VWA8: variants seen among roughly 807,000 people sequenced by gnomAD.
VWA8 encodes von Willebrand factor A domain-containing protein 8.
VWA8 carries 221 observed loss-of-function variants against 241.5 expected under a neutral mutation model. That is an observed-to-expected ratio of 0.91 (90% CI 0.82 to 1.02). VWA8 has a LOEUF of 1.02. VWA8 is among the 50% of genes least tolerant of loss of function. The pLI is 0.00. For synonymous variants in VWA8, 852 were observed against 827.1 expected (o/e 1.03, Z -0.52); for missense variants, 2,322 against 2,328.7 (o/e 1.00, Z 0.06).
chr13:41,801,028 G>C (rs188112836), intron 17 of VWA8, among the ~76,000 whole-genome samples: 1,733 of 152,068 alleles, frequency 0.011, 17 homozygotes, highest in Middle Eastern at 0.051. Context: ...AATTGTAACT[G>C]AATTGGTAAT....
At chr13:41,591,211 A>G (rs2044452551) in intron 40 of VWA8, among the ~76,000 whole-genome samples, 1 of 152,242 alleles carries the variant, frequency 6.6e-6, no homozygotes, top group African/African-American at 2.4e-5. Context: ...TGGGACTTAG[A>G]GTGCAAATGG....
At chr13:41,926,827 CT>C in intron 2 of VWA8, 1 of 564,028 alleles carries the variant, frequency 1.8e-6, no homozygotes. Context: ...CTCTTTGAAA[CT>C]GATGAAACTT....
intron 26 of VWA8, among the ~76,000 whole-genome samples, chr13:41,707,477 C>T (rs573860090): frequency 6.6e-6 from 1 of 152,296 alleles, no homozygotes; most frequent in East Asian, 1.9e-4. Context: ...AATAATGGAA[C>T]CCTTCAGGGC....
intron 17 of VWA8, among the ~76,000 whole-genome samples, chr13:41,806,423 G>C (rs778404677): frequency 1.3e-5 from 2 of 152,170 alleles, no homozygotes; most frequent in African/African-American, 2.4e-5. Context: ...CAAAGGATAG[G>C]CTGGGCGCAG....
intron 26 of VWA8, chr13:41,719,306 G>T (rs769801359): frequency 2.6e-6 from 3 of 1,175,712 alleles, no homozygotes; most frequent in East Asian, 4.8e-5. Context: ...ATAGTAATAC[G>T]CATAGTAATT....
chr13:41,748,492 C>T (rs2045627806), intron 21 of VWA8, among the ~76,000 whole-genome samples: 2 of 151,952 alleles, frequency 1.3e-5, no homozygotes, highest in Non-Finnish European at 2.9e-5. Flanking sequence ...TCTCTCTTTT[C>T]TTCTTTATTA....
At chr13:41,623,729 C>G (rs753237192) in intron 37 of VWA8, among the ~76,000 whole-genome samples, 10 of 152,106 alleles carry the variant, frequency 6.6e-5, no homozygotes, top group Non-Finnish European at 1.2e-4. Context: ...ACGTGGGATA[C>G]AGAGATTTCT....
chr13:41,925,838 T>C, intron 2 of VWA8: 1 of 304,772 alleles, frequency 3.3e-6, no homozygotes, highest in Non-Finnish European at 6.6e-6. Flanking sequence ...AGATCCATAG[T>C]CAGGCAGTTT....
At chr13:41,869,943 T>C (rs1873512013) in intron 9 of VWA8, among the ~76,000 whole-genome samples, 1 of 152,156 alleles carries the variant, frequency 6.6e-6, no homozygotes, top group African/African-American at 2.4e-5. Flanking sequence ...TGAAACTCAA[T>C]GAAAGAACAG....
intron 14 of VWA8, among the ~76,000 whole-genome samples, chr13:41,829,194 C>T (rs536593749): frequency 6.0e-4 from 91 of 152,210 alleles, no homozygotes; most frequent in African/African-American, 2.2e-3. Context: ...CAATGAGATA[C>T]CACCTTACTC....
chr13:41,775,236 A>G (rs1178077199), intron 20 of VWA8, among the ~76,000 whole-genome samples: 1 of 152,198 alleles, frequency 6.6e-6, no homozygotes, highest in Non-Finnish European at 1.5e-5. Context: ...CCAAAAAAAC[A>G]TTCCTTCAAC....
chr13:41,756,547 G>GA (rs950781855), intron 21 of VWA8, among the ~76,000 whole-genome samples: 1 of 151,446 alleles, frequency 6.6e-6, no homozygotes, highest in African/African-American at 2.4e-5. Context: ...CATCCTTAAG[G>GA]AAAAAATTGG....
intron 12 of VWA8, among the ~76,000 whole-genome samples, chr13:41,843,536 C>T (rs1593811134): frequency 6.6e-6 from 1 of 152,112 alleles, no homozygotes; most frequent in African/African-American, 2.4e-5. Flanking sequence ...AAAATCCATA[C>T]AAAGGATCAA....
chr13:41,852,567 T>C (rs1872569413), intron 12 of VWA8, among the ~76,000 whole-genome samples: 1 of 152,184 alleles, frequency 6.6e-6, no homozygotes, highest in African/African-American at 2.4e-5. Flanking sequence ...CCCCTTCTTT[T>C]CTTCTAGTAG....
In VWA8 at chr13:41,945,569, A is replaced by T. The variant is rs185902671; in HGVS notation, c.241+4367T>A. Among the ~76,000 whole-genome samples, 6 of 152,294 alleles carry T rather than the reference A, an allele frequency of 3.9e-5. No homozygotes were observed. The East Asian group carries it at 1.2e-3, about 29-fold the overall frequency. The stretch of plus-strand genomic sequence containing the variant: ...ACAACGTCTCATGAAACAGAGTACC[A>T]ATAAAGAGAAATTATAAAACAAGAT... On this transcript the variant is annotated intron_variant, in intron 2 of 44. Transcript: ENST00000379310.
rs34381157 is a variant in VWA8 at position 41,655,489 on chromosome 13, CAGAGAGAGAGAG to C, written c.4611+15445_4611+15456del. ...ATATATATCCACACATACAGAGAGA[CAGAGAGAGAGAG>C]AGAGAGAGAGAGAGAGAAAGTAAAA... is the stretch of plus-strand genomic sequence containing the variant. On this transcript the variant is annotated intron_variant, in intron 37 of 44. Coordinates refer to ENST00000379310, the MANE Select transcript of VWA8 (RefSeq NM_015058.2). 6.7e-5 allele frequency among the ~76,000 whole-genome samples: 10 copies of C among 148,306 alleles called. No homozygotes were observed. In the South Asian group the frequency reaches 8.5e-4, roughly 13 times the overall value.
intron 9 of VWA8, among the ~76,000 whole-genome samples, chr13:41,873,730 T>C (rs1873757707): frequency 6.6e-6 from 1 of 152,132 alleles, no homozygotes; most frequent in Non-Finnish European, 1.5e-5. Context: ...ACCAGATGGA[T>C]TCACAGCCAA....
chr13:41,816,555 T>C (rs1870702364), intron 16 of VWA8, 143 bp downstream of exon 16: 2 of 668,244 alleles, frequency 3.0e-6, no homozygotes, highest in Non-Finnish European at 5.0e-6. Flanking sequence ...GTAAACCATA[T>C]GCATAGAACA....
At chr13:41,587,276 C>T (rs1211396117) in intron 42 of VWA8, among the ~76,000 whole-genome samples, 1 of 152,164 alleles carries the variant, frequency 6.6e-6, no homozygotes, top group Non-Finnish European at 1.5e-5. Context: ...TTCTAAGCAG[C>T]TCATTTTTTT....
Sources: gnomAD v4.1 joint callset for allele counts (sites outside exome capture counted in the v4.1 genomes callset) on GRCh38, gnomAD v4.1.1 for gene constraint, MANE v1.5 for transcripts, NCBI Gene and HGNC (gene_info 2026-07-23, HGNC 2026-07-21) for gene names.